The following HDLBP variants were observed in gnomAD, a reference collection of about 807,000 sequenced individuals.
The protein encoded by HDLBP is high density lipoprotein binding protein, also known as vigilin.
In HDLBP, 30 loss-of-function variants were observed where a neutral mutation model predicts 137.3. The ratio of observed to expected loss-of-function variants is 0.22; its 90% CI spans 0.16 to 0.30. HDLBP has a LOEUF of 0.30. Ranked by LOEUF, HDLBP falls within the 10% of genes least tolerant of loss-of-function variation. The pLI, the probability that HDLBP is intolerant of heterozygous loss-of-function variation, is 1.00. For synonymous variants in HDLBP, 606 were observed against 596.0 expected, an observed-to-expected ratio of 1.02 and a Z score of -0.24; for missense variants, 1,119 against 1,667.3, an observed-to-expected ratio of 0.67 and a Z score of 5.73.
At chr2:241,284,899 G>A (rs1018901243) in intron 1 of HDLBP, among the ~76,000 whole-genome samples, 3 of 152,146 alleles carry the variant, frequency 2.0e-5, no homozygotes, top group African/African-American at 4.8e-5. Context: ...TTTTGAGATG[G>A]AGTCTCACTC....
intron 1 of HDLBP, among the ~76,000 whole-genome samples, chr2:241,275,173 CA>C (rs2074343373): frequency 1.3e-5 from 2 of 149,082 alleles, no homozygotes; most frequent in South Asian, 4.1e-4. Context: ...AAACAGAAAG[CA>C]ATTCCCCCCC....
intron 1 of HDLBP, chr2:241,280,054 A>G (rs1013704407): frequency 1.0e-6 from 1 of 985,144 alleles, no homozygotes; most frequent in South Asian, 4.7e-5. Context: ...GGCGCCCACC[A>G]CTTCCTTGGC....
At chr2:241,301,111 G>A (rs2075382922) in intron 1 of HDLBP, among the ~76,000 whole-genome samples, 1 of 150,996 alleles carries the variant, frequency 6.6e-6, no homozygotes, top group South Asian at 2.1e-4. Context: ...CCAGCAGCTG[G>A]GACTACAGGC....
rs979660121 is a variant in HDLBP, at chr2:241,250,141, G to C, written c.1373-161C>G. 9 of 651,132 alleles carry C rather than the reference G, an allele frequency of 1.4e-5. 1 individual carries two copies. The South Asian group carries it at 2.0e-4, about 14-fold the overall frequency. 40.3% of individuals were successfully genotyped at this position (651,132 alleles called of 1,614,324 possible). Reference sequence around the variant, plus strand: ...CCCAAACAAAAATCTCCATTGTCTAGAATGGGGGCCAGTTATGATCTTCAC... The same window carrying C: ...CCCAAACAAAAATCTCCATTGTCTACAATGGGGGCCAGTTATGATCTTCAC... On this transcript the variant is annotated intron_variant, in intron 11 of 27. Transcript: ENST00000310931.
intron 1 of HDLBP, among the ~76,000 whole-genome samples, chr2:241,284,555 G>C (rs537327609): frequency 1.4e-4 from 22 of 152,330 alleles, no homozygotes; most frequent in African/African-American, 4.6e-4. Flanking sequence ...TGACAACAGA[G>C]GATTTAGAAT....
At chr2:241,274,966 T>C (rs1259001162) in intron 1 of HDLBP, among the ~76,000 whole-genome samples, 1 of 152,062 alleles carries the variant, frequency 6.6e-6, no homozygotes, top group East Asian at 1.9e-4. Context: ...CCAAAAGGGC[T>C]ACACTTACCA....
At chr2:241,277,019 G>A (rs1050385557) in intron 1 of HDLBP, among the ~76,000 whole-genome samples, 35 of 148,668 alleles carry the variant, frequency 2.4e-4, no homozygotes, top group African/African-American at 8.6e-4. Context: ...AAATAGTAAA[G>A]AATTAAATCA....
At chr2:241,236,286 G>T in intron 21 of HDLBP, 1 of 347,760 alleles carries the variant, frequency 2.9e-6, no homozygotes, top group Non-Finnish European at 5.3e-6. Context: ...CGCGGGGGGA[G>T]ACGTTGCAAC....
In HDLBP at chr2:241,228,415, A is replaced by T. The variant is rs967433677; in HGVS notation, c.*1186T>A. The T allele has an allele frequency of 6.6e-6, 1 of 152,246 alleles. No homozygotes were observed. Among genetic ancestry groups the T allele is most frequent in the Non-Finnish European group, 1.5e-5 (1 of 68,122 alleles). 9.4% of individuals were successfully genotyped at this position (152,246 alleles called of 1,614,324 possible). A position where few individuals can be genotyped will look rare whatever the true frequency, so the allele number is the denominator to read the frequency against. ...CCCCATGCCATCGTCTCGGCCCTAG[A>T]CCGTGAAAACTGCCAGTCACCCGGG... On this transcript the variant is annotated 3_prime_UTR_variant, in exon 28 of 28. Coordinates refer to ENST00000310931, the MANE Select transcript of HDLBP (RefSeq NM_005336.6).
intron 1 of HDLBP, among the ~76,000 whole-genome samples, chr2:241,291,600 C>CAG (rs766245428): frequency 9.2e-5 from 14 of 152,170 alleles, no homozygotes; most frequent in Admixed American, 2.0e-4. Context: ...AACCACATTT[C>CAG]AGAACCTCCA....
chr2:241,229,420 G>T lies in HDLBP; in HGVS notation c.*181C>A. On this transcript the variant is annotated 3_prime_UTR_variant, in exon 28 of 28. Coordinates refer to ENST00000310931, the MANE Select transcript of HDLBP (RefSeq NM_005336.6). ...AGTGGAGCAGGTCCTGAGCGGGCAC[G>T]GCCAGGCCTGGAGGAGCGGCCGCAC... 1 of 559,390 alleles carries T rather than the reference G, an allele frequency of 1.8e-6. No individual in the cohort carries two copies. Among genetic ancestry groups the T allele is most frequent in the Non-Finnish European group, 3.2e-6 (1 of 309,448 alleles). The allele number at this position is 559,390 out of a possible 1,614,324, so 34.7% of individuals were successfully genotyped here. A position where few individuals can be genotyped will look rare whatever the true frequency, so the allele number is the denominator to read the frequency against.
At position 241,315,662 on chromosome 2, in the gene HDLBP, A is replaced by C. The variant is rs2076057701; in HGVS notation, c.-195T>G. Reference sequence around the variant, plus strand: ...AGCCGCCATCTTGGTAAAGGAGAAGAGGCTACGCTTGACCTCCCCCCCCAC... The same window carrying C: ...AGCCGCCATCTTGGTAAAGGAGAAGCGGCTACGCTTGACCTCCCCCCCCAC... On this transcript the variant is annotated 5_prime_UTR_variant, in exon 1 of 28. Transcript: ENST00000310931. 6.6e-6 allele frequency: 1 copy of C among 152,436 alleles called. No homozygotes were observed. The highest frequency in any genetic ancestry group is 2.4e-5 in the African/African-American group (1 of 41,450). The allele number at this position is 152,436 out of a possible 1,614,324, so 9.4% of individuals were successfully genotyped here. A position where few individuals can be genotyped will look rare whatever the true frequency, so the allele number is the denominator to read the frequency against.
At chr2:241,269,828 A>G (rs1574982913) in intron 1 of HDLBP, among the ~76,000 whole-genome samples, 1 of 152,136 alleles carries the variant, frequency 6.6e-6, no homozygotes, top group Non-Finnish European at 1.5e-5. Context: ...ACTCCAGGCT[A>G]AGGTGCCCCA....
chr2:241,281,960 T>G (rs79462721), intron 1 of HDLBP, among the ~76,000 whole-genome samples: 2 of 152,238 alleles, frequency 1.3e-5, no homozygotes, highest in Non-Finnish European at 2.9e-5. Flanking sequence ...GTTTTTCTCA[T>G]TAGTAAACTT....
intron 22 of HDLBP, 98 bp from the exon 23 acceptor site, chr2:241,235,353 C>G (rs929320418): frequency 6.4e-7 from 1 of 1,562,276 alleles, no homozygotes; most frequent in Admixed American, 1.7e-5. Flanking sequence ...GGAAGGCCAC[C>G]CGCCGTGAAG....
intron 7 of HDLBP, 125 bp from the exon 8 acceptor site, chr2:241,255,705 G>C: frequency 1.4e-6 from 1 of 717,038 alleles, no homozygotes; most frequent in African/African-American, 1.8e-5. Context: ...CCCAAGAAGT[G>C]AACAACAAGT....
chr2:241,274,159 G>C (rs1257174391), intron 1 of HDLBP, among the ~76,000 whole-genome samples: 1 of 152,210 alleles, frequency 6.6e-6, no homozygotes, highest in Non-Finnish European at 1.5e-5. Context: ...GTGATGCCCT[G>C]ACTGGGCAGG....
intron 1 of HDLBP, among the ~76,000 whole-genome samples, chr2:241,297,303 C>T (rs114911866): frequency 2.0e-5 from 3 of 152,238 alleles, no homozygotes; most frequent in African/African-American, 7.2e-5. Context: ...TCGTTCCATA[C>T]AGGGTGAATA....
intron 1 of HDLBP, among the ~76,000 whole-genome samples, chr2:241,297,084 G>T (rs1170354183): frequency 6.6e-6 from 1 of 151,050 alleles, no homozygotes; most frequent in African/African-American, 2.4e-5. Context: ...TGATCAAGCT[G>T]CAAAAAGAGA....
Sources: allele counts gnomAD v4.1 joint callset (sites outside exome capture counted in the v4.1 genomes callset), GRCh38; gene constraint gnomAD v4.1.1; transcripts MANE v1.5; gene names NCBI Gene and HGNC (gene_info 2026-07-23, HGNC 2026-07-21).